TXNDC16: variants seen among roughly 807,000 people sequenced by gnomAD.
TXNDC16 encodes the protein thioredoxin domain containing 16.
TXNDC16 carries 74 observed loss-of-function variants against 85.6 expected under a neutral mutation model. The ratio of observed to expected loss-of-function variants is 0.86; its 90% confidence interval spans 0.72 to 1.05. TXNDC16 has a LOEUF of 1.05. TXNDC16 is among the 50% of genes least tolerant of loss of function. The pLI is 0.00. For missense variants in TXNDC16, 959 were observed against 947.0 expected (o/e 1.01, Z -0.17); for synonymous variants, 335 against 326.5 (o/e 1.03, Z -0.28).
Position 52,543,166 on chromosome 14 carries a change from C to G in TXNDC16, c.160+232G>C, listed in dbSNP as rs982763385. Among the ~76,000 whole-genome samples the G allele has an allele frequency of 6.6e-5, 10 of 152,022 alleles. No homozygotes were observed. The East Asian group carries it at 1.9e-3, about 29-fold the overall frequency. On this transcript the variant is annotated intron_variant, in intron 3 of 20. Coordinates refer to ENST00000281741, the MANE Select transcript of TXNDC16 (RefSeq NM_020784.3). ...ATCCTCACAACAAACTTATAAAGTA[C>G]TATTTCTTCTGAACAGATGATGAAA...
intron 11 of TXNDC16, among the ~76,000 whole-genome samples, chr14:52,489,760 C>T (rs1440145162): frequency 6.6e-6 from 1 of 152,182 alleles, no homozygotes; most frequent in Non-Finnish European, 1.5e-5. Flanking sequence ...CATCTTCTTG[C>T]TCTTCCTGTC....
chr14:52,446,857 C>T (rs990896532), intron 18 of TXNDC16, among the ~76,000 whole-genome samples: 1 of 152,102 alleles, frequency 6.6e-6, no homozygotes, highest in Admixed American at 6.5e-5. Context: ...ATGGGAAAGA[C>T]CTAGTCCTGG....
At chr14:52,505,245 CA>C (rs1443211007) in intron 9 of TXNDC16, among the ~76,000 whole-genome samples, 1 of 152,182 alleles carries the variant, frequency 6.6e-6, no homozygotes, top group East Asian at 1.9e-4. Flanking sequence ...CAGAACTCTC[CA>C]CCCCAAATCA....
rs76990459 is a variant in TXNDC16, at chr14:52,455,486, A to G, written c.1704-24T>C. ...ACCTATGGAGAAAGGCAGTATTAAAATTCACGATCAAAATCTAGCATGTCA... is the reference window on the plus strand; with the variant it reads ...ACCTATGGAGAAAGGCAGTATTAAAGTTCACGATCAAAATCTAGCATGTCA... On this transcript the variant is annotated intron_variant, in intron 17 of 20. Transcript: ENST00000281741. The G allele has an allele frequency of 2.6e-3, 4,137 of 1,612,490 alleles. 68 individuals are homozygous for G. The African/African-American group carries it at 0.041, about 16-fold the overall frequency.
intron 9 of TXNDC16, among the ~76,000 whole-genome samples, chr14:52,501,094 T>C (rs1446358680): frequency 6.6e-6 from 1 of 152,180 alleles, no homozygotes; most frequent in Non-Finnish European, 1.5e-5. Flanking sequence ...ACTCCATATC[T>C]GGCAGAATCT....
intron 9 of TXNDC16, among the ~76,000 whole-genome samples, chr14:52,509,034 AC>A (rs1363028406): frequency 6.6e-6 from 1 of 152,160 alleles, no homozygotes; most frequent in Non-Finnish European, 1.5e-5. Context: ...GTGCACATGT[AC>A]CCTAAAACTT....
At position 52,543,429 on chromosome 14, in the gene TXNDC16, T is replaced by C. The variant is rs781664321; in HGVS notation, c.129A>G (p.Gly43=). 1.2e-5 allele frequency: 19 copies of C among 1,611,664 alleles called. No homozygotes were observed. The Admixed American group carries it at 3.0e-4, about 26-fold the overall frequency. Residue 43 remains glycine (G), a synonymous_variant, in exon 3 of 21, where the codon GGA becomes GGG. Coordinates refer to ENST00000281741, the MANE Select transcript of TXNDC16 (RefSeq NM_020784.3). ...PQKYFSTLQP[G]KASLAYFCQA... ...GACAAAAATAAGCTAAAGAGGCTTT[T>C]CCTGGTTGCAATGTACTAAAATATT... is the stretch of plus-strand genomic sequence containing the variant.
chr14:52,530,342 T>A (rs1221948430), intron 6 of TXNDC16, among the ~76,000 whole-genome samples: 9 of 43,852 alleles, frequency 2.1e-4, no homozygotes, highest in African/African-American at 9.6e-4. Flanking sequence ...TATATATAAT[T>A]ATATATTATA....
intron 14 of TXNDC16, among the ~76,000 whole-genome samples, chr14:52,479,315 G>A (rs1293089712): frequency 6.6e-6 from 1 of 152,128 alleles, no homozygotes; most frequent in African/African-American, 2.4e-5. Context: ...CCTAGCCAGA[G>A]CAATCAGACA....
At chr14:52,446,125 T>C (rs369471377) in intron 18 of TXNDC16, among the ~76,000 whole-genome samples, 12 of 152,350 alleles carry the variant, frequency 7.9e-5, no homozygotes, top group African/African-American at 2.9e-4. Flanking sequence ...GTACTCACAG[T>C]ACCTGGTTTT....
chr14:52,497,656 G>A (rs2140163194), intron 9 of TXNDC16, among the ~76,000 whole-genome samples: 1 of 152,300 alleles, frequency 6.6e-6, no homozygotes, highest in Non-Finnish European at 1.5e-5. Flanking sequence ...GAGGCGGGCG[G>A]ATTGCCTGAG....
chr14:52,508,620 T>C (rs2036874426), intron 9 of TXNDC16, among the ~76,000 whole-genome samples: 1 of 152,198 alleles, frequency 6.6e-6, no homozygotes. Flanking sequence ...TGCACACGTA[T>C]GTTTACTGCG....
At chr14:52,508,352 A>T (rs983506879) in intron 9 of TXNDC16, among the ~76,000 whole-genome samples, 2 of 152,226 alleles carry the variant, frequency 1.3e-5, no homozygotes, top group African/African-American at 4.8e-5. Context: ...AATGCAAATC[A>T]AAACCACAAT....
chr14:52,443,746 GAC>G (rs1262231157), intron 18 of TXNDC16, among the ~76,000 whole-genome samples: 3 of 152,152 alleles, frequency 2.0e-5, no homozygotes, highest in East Asian at 1.9e-4. Context: ...TCAGATTGGT[GAC>G]ACAGTTAGGC....
At chr14:52,464,003 T>G (rs905718227) in intron 16 of TXNDC16, among the ~76,000 whole-genome samples, 6 of 152,190 alleles carry the variant, frequency 3.9e-5, no homozygotes, top group Non-Finnish European at 2.9e-5. Context: ...AGTTATCATA[T>G]CCAGGCTACA....
chr14:52,546,430 A>G (rs2037943791), intron 1 of TXNDC16, among the ~76,000 whole-genome samples: 1 of 152,196 alleles, frequency 6.6e-6, no homozygotes. Flanking sequence ...GCAGTTACTA[A>G]TTACACTTAA....
At chr14:52,475,940 C>T (rs529561804) in intron 14 of TXNDC16, among the ~76,000 whole-genome samples, 2 of 152,282 alleles carry the variant, frequency 1.3e-5, no homozygotes, top group South Asian at 2.1e-4. Flanking sequence ...CCTTCTGCCA[C>T]CTCCACTAGA....
At chr14:52,469,610 G>A (rs528706773) in intron 16 of TXNDC16, among the ~76,000 whole-genome samples, 1 of 152,064 alleles carries the variant, frequency 6.6e-6, no homozygotes, top group African/African-American at 2.4e-5. Flanking sequence ...GGGCATGGTG[G>A]CATGTGCCTG....
chr14:52,487,601 T>C (rs1056458708), intron 12 of TXNDC16, among the ~76,000 whole-genome samples: 2 of 152,190 alleles, frequency 1.3e-5, no homozygotes, highest in Non-Finnish European at 2.9e-5. Flanking sequence ...ACTGTTACAC[T>C]TAAAAAATAT....
Sources: gnomAD v4.1 joint callset for allele counts (sites outside exome capture counted in the v4.1 genomes callset) on GRCh38, gnomAD v4.1.1 for gene constraint, MANE v1.5 for transcripts, NCBI Gene and HGNC (gene_info 2026-07-23, HGNC 2026-07-21) for gene names.